PDE10A: variants seen among roughly 807,000 people sequenced by gnomAD.
PDE10A encodes the protein phosphodiesterase 10A.
A neutral mutation model predicts 97.7 loss-of-function variants in PDE10A; 39 were observed. The ratio of observed to expected loss-of-function variants is 0.40; its 90% CI spans 0.31 to 0.52. PDE10A has a LOEUF of 0.52. Ranked by LOEUF, PDE10A falls within the 20% of genes least tolerant of loss-of-function variation. The pLI is 0.56. For synonymous variants in PDE10A, 371 were observed against 376.8 expected, an observed-to-expected ratio of 0.98 and a Z score of 0.18; for missense variants, 731 against 1,047.8, an observed-to-expected ratio of 0.70 and a Z score of 4.17.
intron 1 of PDE10A, among the ~76,000 whole-genome samples, chr6:165,746,137 C>G (rs1183860313): frequency 6.6e-6 from 1 of 152,132 alleles, no homozygotes; most frequent in African/African-American, 2.4e-5. Flanking sequence ...CTGAAAGGTA[C>G]AAACACAGCT....
intron 1 of PDE10A, among the ~76,000 whole-genome samples, chr6:165,735,051 G>C (rs1399839768): frequency 1.3e-5 from 2 of 151,658 alleles, no homozygotes; most frequent in Non-Finnish European, 2.9e-5. Flanking sequence ...ATAATAGGGA[G>C]GTAGACAGAT....
At chr6:165,597,579 C>T (rs2983505) in intron 1 of PDE10A, among the ~76,000 whole-genome samples, 29,409 of 152,052 alleles carry the variant, frequency 0.19, 3,417 homozygotes, top group African/African-American at 0.32. Context: ...TAGAAGGAAA[C>T]ACTCCCTCAA....
chr6:165,955,153 C>T (rs976969319), intron 1 of PDE10A, among the ~76,000 whole-genome samples: 1 of 152,124 alleles, frequency 6.6e-6, no homozygotes, highest in African/African-American at 2.4e-5. Flanking sequence ...CAAGAGGGCT[C>T]GCACTCACCT....
chr6:165,925,339 C>T (rs1023259445), intron 1 of PDE10A, among the ~76,000 whole-genome samples: 12 of 152,284 alleles, frequency 7.9e-5, no homozygotes, highest in East Asian at 3.9e-4. Flanking sequence ...TAGTTTCTTA[C>T]GAAGCAAACC....
intron 1 of PDE10A, among the ~76,000 whole-genome samples, chr6:165,967,029 C>T (rs1372122302): frequency 7.9e-5 from 12 of 152,084 alleles, no homozygotes; most frequent in Admixed American, 7.9e-4. Context: ...GACTGCTAAG[C>T]TTCTAGAAAT....
At chr6:165,465,720 T>C (rs1289418031) in intron 3 of PDE10A, among the ~76,000 whole-genome samples, 1 of 152,150 alleles carries the variant, frequency 6.6e-6, no homozygotes, top group East Asian at 1.9e-4. Flanking sequence ...CATCAAATCT[T>C]GTGAAAACTC....
In PDE10A at chr6:165,934,109, G is replaced by A. The variant is rs141775822; in HGVS notation, c.-615+53420C>T. Among the ~76,000 whole-genome samples, 577 of 149,710 alleles carry A rather than the reference G, an allele frequency of 3.9e-3. 7 individuals are homozygous for A. The highest frequency in any genetic ancestry group is 0.013 in the African/African-American group (540 of 40,632). On this transcript the variant is annotated intron_variant, in intron 1 of 19. Transcript: ENST00000366882. ...AGCAATTCTCCTGCCTCAGCCTCTC[G>A]AGTAGCTGGGATTACAGGCATGCAC... is the stretch of plus-strand genomic sequence containing the variant.
intron 1 of PDE10A, among the ~76,000 whole-genome samples, chr6:165,825,965 T>A (rs1446434909): frequency 6.6e-6 from 1 of 152,200 alleles, no homozygotes; most frequent in African/African-American, 2.4e-5. Context: ...ATAATTTTGA[T>A]TAGTAATAGT....
intron 1 of PDE10A, among the ~76,000 whole-genome samples, chr6:165,944,370 T>C (rs1026326657): frequency 3.9e-4 from 60 of 152,222 alleles, no homozygotes; most frequent in Admixed American, 4.6e-4. Flanking sequence ...TTCTGTTCTT[T>C]TTCTCTTGGG....
At chr6:165,974,118 C>A (rs1784778794) in intron 1 of PDE10A, among the ~76,000 whole-genome samples, 1 of 152,192 alleles carries the variant, frequency 6.6e-6, no homozygotes, top group Non-Finnish European at 1.5e-5. Flanking sequence ...TAGAGGAGAG[C>A]TTCTTATCAA....
chr6:165,473,529 AG>A (rs1779131218), intron 3 of PDE10A, among the ~76,000 whole-genome samples: 1 of 152,200 alleles, frequency 6.6e-6, no homozygotes, highest in African/African-American at 2.4e-5. Context: ...AATAACAACA[AG>A]GGCTTATATC....
chr6:165,980,082 T>G (rs1784967277), intron 1 of PDE10A, among the ~76,000 whole-genome samples: 1 of 152,214 alleles, frequency 6.6e-6, no homozygotes, highest in Admixed American at 6.5e-5. Context: ...AAAAGTTGTC[T>G]TATGAATCCT....
chr6:165,488,998 C>T (rs966854489), intron 2 of PDE10A, among the ~76,000 whole-genome samples: 2 of 152,098 alleles, frequency 1.3e-5, no homozygotes, highest in Non-Finnish European at 2.9e-5. Flanking sequence ...CCCTGGTAAC[C>T]AAAGACAAAG....
At chr6:165,908,653 A>G (rs1782367343) in intron 1 of PDE10A, 1 of 152,204 alleles carries the variant, frequency 6.6e-6, no homozygotes, top group Admixed American at 6.5e-5. Context: ...GGCACTCCAG[A>G]TGCCGCTTTT....
chr6:165,509,730 C>A (rs1781406411), intron 2 of PDE10A, among the ~76,000 whole-genome samples: 1 of 151,424 alleles, frequency 6.6e-6, no homozygotes, highest in Non-Finnish European at 1.5e-5. Flanking sequence ...TGTTTGTATC[C>A]TCTATCCTTT....
rs560089871 is a variant in PDE10A, at chr6:165,546,692, G to A, written c.866-3124C>T. On this transcript the variant is annotated intron_variant, in intron 1 of 21. Coordinates refer to ENST00000539869, the MANE Select transcript of PDE10A (RefSeq NM_001385079.1). The stretch of plus-strand genomic sequence containing the variant: ...TGACACTGGTCAATTAAACAAATGA[G>A]TGGTAGATGGTGGGGACAAGATTTC... Among the ~76,000 whole-genome samples the A allele has an allele frequency of 3.9e-5, 6 of 152,208 alleles. No individual in the cohort carries two copies. The South Asian group carries it at 1.2e-3, about 32-fold the overall frequency.
At chr6:165,413,394 G>A in intron 13 of PDE10A, 107 bp downstream of exon 13, 2 of 662,490 alleles carry the variant, frequency 3.0e-6, no homozygotes, top group East Asian at 5.6e-5. Context: ...TTCCTGGTTT[G>A]TAAAGGAAAT....
chr6:165,495,509 T>C (rs1308031700), intron 2 of PDE10A, among the ~76,000 whole-genome samples: 1 of 151,816 alleles, frequency 6.6e-6, no homozygotes, highest in Non-Finnish European at 1.5e-5. Flanking sequence ...ATTTCCCTAT[T>C]AAGTCAATTT....
chr6:165,485,556 C>T lies in PDE10A; in HGVS notation c.995-3213G>A, dbSNP rs183642328. Among the ~76,000 whole-genome samples the T allele has an allele frequency of 1.5e-4, 23 of 150,428 alleles. No homozygotes were observed. The East Asian group carries it at 4.1e-3, about 27-fold the overall frequency. ...CAAGAACACAGGCAATTATTGAAGGCCACCAACTTCATCAAATGTGTCTAC... is the reference window on the plus strand; with the variant it reads ...CAAGAACACAGGCAATTATTGAAGGTCACCAACTTCATCAAATGTGTCTAC... On this transcript the variant is annotated intron_variant, in intron 2 of 21. Transcript: ENST00000539869.
Sources: gnomAD v4.1 joint callset for allele counts (sites outside exome capture counted in the v4.1 genomes callset) on GRCh38, gnomAD v4.1.1 for gene constraint, MANE v1.5 for transcripts, NCBI Gene and HGNC (gene_info 2026-07-23, HGNC 2026-07-21) for gene names.